The following UBAP2 variants were observed in gnomAD, a reference collection of about 807,000 sequenced individuals.
UBAP2 encodes the protein ubiquitin associated protein 2.
Under a neutral mutation model 139.6 loss-of-function variants are expected in UBAP2, and 75 were observed. That is an observed-to-expected ratio of 0.54 (90% CI 0.45 to 0.65). The LOEUF (loss-of-function observed/expected upper bound fraction) is 0.65, where lower values mean the gene tolerates loss of function less well. Among genes scored for constraint, UBAP2 ranks in the 30% least tolerant of loss-of-function variants. UBAP2 has a pLI of 0.00. For missense variants in UBAP2, 1,368 were observed against 1,369.6 expected (o/e 1.00, Z 0.02); for synonymous variants, 526 against 526.2 (o/e 1.00, Z 0.01).
At chr9:33,985,668 T>G (rs756056763) in intron 6 of UBAP2, among the ~76,000 whole-genome samples, 2 of 151,788 alleles carry the variant, frequency 1.3e-5, no homozygotes, top group African/African-American at 2.4e-5. Flanking sequence ...GAGAAGGTGA[T>G]GGGTATAGAG....
chr9:33,937,311 T>C (rs1050093721), intron 16 of UBAP2, among the ~76,000 whole-genome samples: 3 of 151,992 alleles, frequency 2.0e-5, no homozygotes, highest in Middle Eastern at 3.4e-3. Context: ...TGAGAATACA[T>C]AGTATCAAGT....
intron 2 of UBAP2, among the ~76,000 whole-genome samples, chr9:34,006,733 C>T (rs1279241817): frequency 1.3e-5 from 2 of 151,674 alleles, no homozygotes; most frequent in African/African-American, 4.8e-5. Flanking sequence ...TTAGAGCCAA[C>T]AAAACTGATG....
chr9:33,954,269 T>TACACAC (rs60078088), intron 11 of UBAP2, among the ~76,000 whole-genome samples: 1,521 of 139,898 alleles, frequency 0.011, 26 homozygotes, highest in African/African-American at 0.034. Flanking sequence ...TGTGTGTATA[T>TACACAC]ACACACACAC....
At chr9:33,986,716 TC>T (rs1821248009) in intron 6 of UBAP2, 43 bp downstream of exon 6, 2 of 1,535,150 alleles carry the variant, frequency 1.3e-6, no homozygotes, top group African/African-American at 2.7e-5. Context: ...GCCTGCTTCT[TC>T]CCCCTAATTG....
intron 3 of UBAP2, 123 bp downstream of exon 3, chr9:33,998,664 G>T: frequency 1.2e-6 from 1 of 800,942 alleles, no homozygotes; most frequent in Non-Finnish European, 1.9e-6. Context: ...CCAATATACA[G>T]ATTTCAGGTG....
chr9:34,009,806 CT>C (rs201452836), intron 2 of UBAP2, among the ~76,000 whole-genome samples: 1,404 of 129,778 alleles, frequency 0.011, 12 homozygotes, highest in African/African-American at 0.028. Flanking sequence ...CTTATATTTC[CT>C]TTTTTTTTTT....
In UBAP2 at chr9:33,957,559, A is replaced by G. The variant is rs139804703; in HGVS notation, c.799-1413T>C. On this transcript the variant is annotated intron_variant, in intron 10 of 28. Coordinates refer to ENST00000379238, the MANE Select transcript of UBAP2 (RefSeq NM_001370062.2). Reference sequence around the variant, plus strand: ...TCACTCAGCATAATTATTTTGGGATATATGCACACTGTTTTAACTCACTTT... The same window carrying G: ...TCACTCAGCATAATTATTTTGGGATGTATGCACACTGTTTTAACTCACTTT... Among the ~76,000 whole-genome samples the G allele has an allele frequency of 2.0e-4, 30 of 152,348 alleles. No homozygotes were observed. In the East Asian group the frequency reaches 4.6e-3, roughly 23 times the overall value.
chr9:34,045,074 G>A lies in UBAP2; in HGVS notation c.-42+3751C>T, dbSNP rs187045211. On this transcript the variant is annotated intron_variant, in intron 1 of 28. Coordinates refer to ENST00000379238, the MANE Select transcript of UBAP2 (RefSeq NM_001370062.2). ...ACAAACGGGTAAAAAAAGGCTGGGCGCCGTGGCTCACCCCTGTAATCCCAG... is the reference window on the plus strand; with the variant it reads ...ACAAACGGGTAAAAAAAGGCTGGGCACCGTGGCTCACCCCTGTAATCCCAG... Among the ~76,000 whole-genome samples, 8 of 152,146 alleles carry A rather than the reference G, an allele frequency of 5.3e-5. No homozygotes were observed. In the East Asian group the frequency reaches 1.4e-3, roughly 26 times the overall value.
At chr9:34,032,258 T>A (rs1202978142) in intron 1 of UBAP2, among the ~76,000 whole-genome samples, 1 of 152,112 alleles carries the variant, frequency 6.6e-6, no homozygotes, top group East Asian at 1.9e-4. Context: ...TCCCCATCTA[T>A]CCTCTCTTGA....
intron 8 of UBAP2, among the ~76,000 whole-genome samples, chr9:33,965,913 G>A (rs1476684867): frequency 6.6e-6 from 1 of 152,058 alleles, no homozygotes; most frequent in Non-Finnish European, 1.5e-5. Context: ...GCCAGGTGTG[G>A]TGGCGGGTGC....
Position 34,013,012 on chromosome 9 carries a change from G to A in UBAP2, c.99+4038C>T, listed in dbSNP as rs114292003. Among the ~76,000 whole-genome samples, 1,088 of 151,278 alleles carry A rather than the reference G, an allele frequency of 7.2e-3. 11 individuals carry two copies. Among genetic ancestry groups the A allele is most frequent in the African/African-American group, 0.024 (1,004 of 41,210 alleles). On this transcript the variant is annotated intron_variant, in intron 2 of 28. Coordinates refer to ENST00000379238, the MANE Select transcript of UBAP2 (RefSeq NM_001370062.2). ...CTACTAAAACTACTAAAATTAGCCGGGTGTGGTGATGTACAAGTGTAGTCC... is the reference window on the plus strand; with the variant it reads ...CTACTAAAACTACTAAAATTAGCCGAGTGTGGTGATGTACAAGTGTAGTCC...
At chr9:33,986,114 G>A (rs1358012286) in intron 6 of UBAP2, among the ~76,000 whole-genome samples, 4 of 148,118 alleles carry the variant, frequency 2.7e-5, no homozygotes, top group East Asian at 2.1e-4. Context: ...GTGCAGTGAG[G>A]AGATCTCGGC....
chr9:33,923,104 CAG>C (rs1823066290), intron 26 of UBAP2, 71 bp from the exon 27 acceptor site: 8 of 1,612,920 alleles, frequency 5.0e-6, no homozygotes, highest in East Asian at 2.2e-5. Flanking sequence ...CAGGATCACT[CAG>C]GGGTTGCCCT....
chr9:33,986,583 C>A (rs1821235420), intron 6 of UBAP2, among the ~76,000 whole-genome samples, 177 bp downstream of exon 6: 1 of 152,144 alleles, frequency 6.6e-6, no homozygotes, highest in African/African-American at 2.4e-5. Flanking sequence ...TTGGTTTCTT[C>A]AAAACTACAT....
intron 8 of UBAP2, among the ~76,000 whole-genome samples, chr9:33,964,192 T>C (rs1663346495): frequency 6.6e-6 from 1 of 152,192 alleles, no homozygotes; most frequent in Non-Finnish European, 1.5e-5. Context: ...TATTATACTG[T>C]CAACAGTTGG....
intron 1 of UBAP2, among the ~76,000 whole-genome samples, chr9:34,023,363 ATTTACAGAAAAATGAC>A (rs1386690954): frequency 6.6e-6 from 1 of 152,196 alleles, no homozygotes; most frequent in Non-Finnish European, 1.5e-5. Flanking sequence ...TAATTTTTTG[ATTTACAGAAAAATGAC>A]TTAATCTTTA....
In UBAP2 at chr9:33,986,793, G is replaced by C; in HGVS notation, c.487C>G (p.Pro163Ala). ...NGIDCNQVDK[P>A]SDRGKRARGR... ...CGGGCTCGCTTGCCACGATCTGAAGGTTTGTCCACTTGATTGCAATCAATT... is the reference window on the plus strand; with the variant it reads ...CGGGCTCGCTTGCCACGATCTGAAGCTTTGTCCACTTGATTGCAATCAATT... The change falls in exon 6 of 29, where the codon CCT becomes GCT. Residue 163 changes from proline to alanine, a missense_variant. Pro to Ala is a conservative substitution (Grantham distance 27). Coordinates refer to ENST00000379238, the MANE Select transcript of UBAP2 (RefSeq NM_001370062.2). 6.2e-7 allele frequency: 1 copy of C among 1,614,064 alleles called. No homozygotes were observed. The highest frequency in any genetic ancestry group is 8.5e-7 in the Non-Finnish European group (1 of 1,180,014).
intron 4 of UBAP2, among the ~76,000 whole-genome samples, chr9:33,989,435 T>C (rs750930066): frequency 9.2e-5 from 14 of 152,154 alleles, no homozygotes; most frequent in Non-Finnish European, 1.3e-4. Context: ...TCTCCTGACC[T>C]CGTGATCTGC....
intron 1 of UBAP2, among the ~76,000 whole-genome samples, chr9:34,039,847 T>TAA (rs74180526): frequency 0.53 from 43,909 of 83,624 alleles, 12,773 homozygotes; most frequent in East Asian, 0.75. Flanking sequence ...CAATAAATAC[T>TAA]AAAAAAAAAA....
Sources: gnomAD v4.1 joint callset for allele counts (sites outside exome capture counted in the v4.1 genomes callset) on GRCh38, gnomAD v4.1.1 for gene constraint, MANE v1.5 for transcripts, NCBI Gene and HGNC (gene_info 2026-07-23, HGNC 2026-07-21) for gene names.